DCAF5: variants seen among roughly 807,000 people sequenced by gnomAD.
The protein encoded by DCAF5 is DDB1 and CUL4 associated factor 5.
A neutral mutation model predicts 80.7 loss-of-function variants in DCAF5; 9 were observed. That is an observed-to-expected ratio of 0.11 (90% CI 0.07 to 0.19). The LOEUF is 0.19. Ranked by LOEUF, DCAF5 falls within the 10% of genes least tolerant of loss-of-function variation. DCAF5 has a pLI of 1.00. For missense variants in DCAF5, 842 were observed against 1,205.7 expected, an observed-to-expected ratio of 0.70 and a Z score of 4.47; for synonymous variants, 433 against 461.9, an observed-to-expected ratio of 0.94 and a Z score of 0.80.
At chr14:69,084,515 A>G in intron 6 of DCAF5, 1 of 766,440 alleles carries the variant, frequency 1.3e-6, no homozygotes, top group South Asian at 1.5e-5. Context: ...GATTTCTCTG[A>G]AAAAGGAGCC....
In DCAF5 at chr14:69,062,364, A is replaced by G. The variant is rs779334159; in HGVS notation, c.1074+20T>C. On this transcript the variant is annotated intron_variant, in intron 8 of 8. Coordinates refer to ENST00000341516, the MANE Select transcript of DCAF5 (RefSeq NM_003861.3). ...ATTGTGAGAATTTCTCTAAAAGGACAGAAGGGGAAGGTGCCTCACCTTGAT... is the reference window on the plus strand; with the variant it reads ...ATTGTGAGAATTTCTCTAAAAGGACGGAAGGGGAAGGTGCCTCACCTTGAT... 3 of 1,611,204 alleles carry G rather than the reference A, an allele frequency of 1.9e-6. No homozygotes were observed. Among genetic ancestry groups the G allele is most frequent in the Admixed American group, 1.7e-5 (1 of 59,492 alleles).
At chr14:69,116,225 CT>C in intron 5 of DCAF5, 140 bp downstream of exon 5, 1 of 1,010,572 alleles carries the variant, frequency 9.9e-7, no homozygotes, top group Non-Finnish European at 1.4e-6. Context: ...GCTCTCCTGG[CT>C]TGAGAGACAC....
intron 5 of DCAF5, among the ~76,000 whole-genome samples, chr14:69,114,392 T>C (rs2040474759): frequency 1.3e-5 from 2 of 152,172 alleles, no homozygotes; most frequent in African/African-American, 4.8e-5. Flanking sequence ...AGGGGCTAGA[T>C]CTGTTAGTGT....
intron 6 of DCAF5, among the ~76,000 whole-genome samples, chr14:69,078,603 C>T (rs1441246417): frequency 6.6e-6 from 1 of 152,194 alleles, no homozygotes; most frequent in Non-Finnish European, 1.5e-5. Context: ...CTGACACATG[C>T]TACAACATGG....
intron 1 of DCAF5, among the ~76,000 whole-genome samples, chr14:69,126,170 T>C (rs969035197): frequency 1.1e-4 from 17 of 151,444 alleles, no homozygotes; most frequent in African/African-American, 3.4e-4. Context: ...TTTTTTTTTT[T>C]AGACGGAGTT....
chr14:69,056,041 C>T (rs2037957873), intron 8 of DCAF5, among the ~76,000 whole-genome samples: 1 of 152,278 alleles, frequency 6.6e-6, no homozygotes, highest in Admixed American at 6.5e-5. Flanking sequence ...AAGCTGTGCA[C>T]AGAGAGGTAC....
intron 1 of DCAF5, among the ~76,000 whole-genome samples, chr14:69,136,113 C>CTT (rs35359938): frequency 0.39 from 48,374 of 125,164 alleles, 10,868 homozygotes; most frequent in East Asian, 0.95. Flanking sequence ...ATGTGTAAAA[C>CTT]TTTTTTTTTT....
At chr14:69,098,145 C>CTCT (rs35444793) in intron 5 of DCAF5, among the ~76,000 whole-genome samples, 108,220 of 151,562 alleles carry the variant, frequency 0.71, 38,904 homozygotes, top group East Asian at 0.97. Context: ...TCCTAGGACT[C>CTCT]TCTTACCTTA....
intron 7 of DCAF5, among the ~76,000 whole-genome samples, chr14:69,068,049 A>T (rs2038531947): frequency 6.6e-6 from 1 of 152,178 alleles, no homozygotes; most frequent in African/African-American, 2.4e-5. Flanking sequence ...CTGCAGGAAA[A>T]CTTTACCAAT....
intron 5 of DCAF5, among the ~76,000 whole-genome samples, chr14:69,096,109 G>C (rs1165090204): frequency 6.6e-6 from 1 of 152,138 alleles, no homozygotes; most frequent in Non-Finnish European, 1.5e-5. Context: ...ACTAGAACTA[G>C]GTAAAAAGTC....
intron 7 of DCAF5, among the ~76,000 whole-genome samples, chr14:69,065,437 T>C (rs998230259): frequency 9.9e-5 from 15 of 152,166 alleles, no homozygotes; most frequent in Non-Finnish European, 5.9e-5. Context: ...AAGGTCTTTT[T>C]TGCCCTTCTT....
intron 6 of DCAF5, among the ~76,000 whole-genome samples, chr14:69,077,880 G>C (rs934624878): frequency 1.3e-5 from 2 of 152,188 alleles, no homozygotes; most frequent in Non-Finnish European, 2.9e-5. Context: ...TAAAGATGAA[G>C]AAAATGCTAT....
At chr14:69,078,912 GAGTGC>G (rs1323787676) in intron 6 of DCAF5, among the ~76,000 whole-genome samples, 2 of 152,184 alleles carry the variant, frequency 1.3e-5, no homozygotes, top group East Asian at 3.9e-4. Context: ...GCCCAGGCTG[GAGTGC>G]AGTGGTGCAA....
At position 69,053,160 on chromosome 14, in the gene DCAF5, T is replaced by C. The variant is rs2037815804; in HGVS notation, c.*697A>G. ...AAATTTATCAGGAATCTATATTCTC[T>C]TGAATCTGATCTTAAGTGCTAAACC... is the stretch of plus-strand genomic sequence containing the variant. On this transcript the variant is annotated 3_prime_UTR_variant, in exon 9 of 9. Coordinates refer to ENST00000341516, the MANE Select transcript of DCAF5 (RefSeq NM_003861.3). 1 of 152,256 alleles carries C rather than the reference T, an allele frequency of 6.6e-6. No homozygotes were observed. The highest frequency in any genetic ancestry group is 2.4e-5 in the African/African-American group (1 of 41,472). 9.4% of individuals were successfully genotyped at this position (152,256 alleles called of 1,614,324 possible).
intron 7 of DCAF5, among the ~76,000 whole-genome samples, chr14:69,068,521 A>G (rs902223259): frequency 2.6e-5 from 4 of 152,078 alleles, no homozygotes; most frequent in African/African-American, 9.7e-5. Context: ...CAACATGGAG[A>G]AACCCTGTCT....
chr14:69,147,998 T>C (rs1471224923), intron 1 of DCAF5, among the ~76,000 whole-genome samples: 1 of 148,230 alleles, frequency 6.7e-6, no homozygotes, highest in African/African-American at 2.5e-5. Flanking sequence ...ACAAGCCCTT[T>C]ACAACATATA....
intron 7 of DCAF5, among the ~76,000 whole-genome samples, chr14:69,074,879 CA>C (rs1191090677): frequency 6.6e-6 from 1 of 151,848 alleles, no homozygotes; most frequent in East Asian, 1.9e-4. Context: ...ACTAAAAATA[CA>C]AAAAATTAGC....
chr14:69,117,646 C>A (rs2040582878), intron 4 of DCAF5, among the ~76,000 whole-genome samples: 1 of 152,136 alleles, frequency 6.6e-6, no homozygotes. Flanking sequence ...CTTCATTTCA[C>A]ACATCAGAGA....
chr14:69,054,969 C>G lies in DCAF5; in HGVS notation c.1717G>C (p.Glu573Gln). 6.2e-7 allele frequency: 1 copy of G among 1,614,234 alleles called. No homozygotes were observed. The highest frequency in any genetic ancestry group is 8.5e-7 in the Non-Finnish European group (1 of 1,180,016). ...SSSSSSEDEE[E>Q]LNERRASTWQ... ...GTAGAGGCTCGGCGTTCATTCAGCT[C>G]CTCCTCATCCTCAGAGCTGCTAGAG... The change falls in exon 9 of 9, where the codon GAG (glutamate) becomes CAG (glutamine). Residue 573 changes from glutamate (E) to glutamine (Q), a missense_variant. Coordinates refer to ENST00000341516, the MANE Select transcript of DCAF5 (RefSeq NM_003861.3).
Sources: gnomAD v4.1 joint callset for allele counts (sites outside exome capture counted in the v4.1 genomes callset) on GRCh38, gnomAD v4.1.1 for gene constraint, MANE v1.5 for transcripts, NCBI Gene and HGNC (gene_info 2026-07-23, HGNC 2026-07-21) for gene names.